ANKRD33B: variants seen among roughly 807,000 people sequenced by gnomAD.
The protein encoded by ANKRD33B is ankyrin repeat domain 33B.
ANKRD33B carries 6 observed loss-of-function variants against 21.5 expected under a neutral mutation model. That is an observed-to-expected ratio of 0.28 (90% CI 0.15 to 0.55). ANKRD33B has a LOEUF of 0.55. Among genes scored for constraint, ANKRD33B ranks in the 20% least tolerant of loss-of-function variants. The probability of loss-of-function intolerance (pLI) is 0.94; values close to 1 mark genes in which losing one functional copy is unlikely to be tolerated. For missense variants in ANKRD33B, 698 were observed against 747.2 expected (o/e 0.93, Z 0.77); for synonymous variants, 347 against 342.4 (o/e 1.01, Z -0.15).
chr5:10,578,895 C>T (rs1336943311), intron 1 of ANKRD33B, among the ~76,000 whole-genome samples: 1 of 152,082 alleles, frequency 6.6e-6, no homozygotes, highest in Non-Finnish European at 1.5e-5. Context: ...GGCGCAGTGG[C>T]TCATGCCTAT....
intron 1 of ANKRD33B, among the ~76,000 whole-genome samples, chr5:10,599,077 A>T (rs1024079843): frequency 6.6e-6 from 1 of 152,184 alleles, no homozygotes; most frequent in Non-Finnish European, 1.5e-5. Flanking sequence ...TCCCTGTCTC[A>T]TCAGAGGCAA....
At chr5:10,614,685 G>C (rs1276232163) in intron 1 of ANKRD33B, among the ~76,000 whole-genome samples, 2 of 151,836 alleles carry the variant, frequency 1.3e-5, no homozygotes, top group Admixed American at 1.3e-4. Context: ...TCAGGAGTTT[G>C]AGACCAGCCT....
At chr5:10,568,190 T>C (rs1198241324) in intron 1 of ANKRD33B, among the ~76,000 whole-genome samples, 1 of 152,238 alleles carries the variant, frequency 6.6e-6, no homozygotes, top group Non-Finnish European at 1.5e-5. Context: ...CATTGCATGA[T>C]TTAATATGCA....
At chr5:10,590,780 C>T (rs1056434943) in intron 1 of ANKRD33B, among the ~76,000 whole-genome samples, 1 of 152,092 alleles carries the variant, frequency 6.6e-6, no homozygotes. Context: ...CCCTTCACTA[C>T]TGCTCTCTGC....
At chr5:10,622,163 G>A (rs931462385) in intron 2 of ANKRD33B, among the ~76,000 whole-genome samples, 1 of 152,228 alleles carries the variant, frequency 6.6e-6, no homozygotes, top group African/African-American at 2.4e-5. Context: ...TGGACAATCA[G>A]TTTTACAGCT....
intron 1 of ANKRD33B, among the ~76,000 whole-genome samples, chr5:10,599,270 T>C (rs79174012): frequency 6.6e-6 from 1 of 152,198 alleles, no homozygotes; most frequent in Non-Finnish European, 1.5e-5. Context: ...TTAACAACTT[T>C]ATTGACAATT....
rs764674828 is a variant in ANKRD33B at position 10,576,612 on chromosome 5, G to T, written c.366+11779G>T. Among the ~76,000 whole-genome samples, 1 of 152,156 alleles carries T rather than the reference G, an allele frequency of 6.6e-6. No individual in the cohort carries two copies. Among genetic ancestry groups the T allele is most frequent in the Non-Finnish European group, 1.5e-5 (1 of 68,030 alleles). ...CCTAGAGGTTCTAGGCAGAACTAAC[G>T]AGTAAGTTACAGAGAATGTGCTTGT... On this transcript the variant is annotated intron_variant, in intron 1 of 3. Transcript: ENST00000296657. The surrounding 1 kb of genome is among the most constrained non-coding windows in gnomAD (Gnocchi z 4.1).
At chr5:10,579,404 T>C (rs1464600702) in intron 1 of ANKRD33B, among the ~76,000 whole-genome samples, 2 of 151,972 alleles carry the variant, frequency 1.3e-5, no homozygotes, top group Non-Finnish European at 2.9e-5. Context: ...TTTCCTGAAC[T>C]TTATTAAAAC....
intron 1 of ANKRD33B, among the ~76,000 whole-genome samples, chr5:10,605,487 T>A (rs1463040839): frequency 6.6e-6 from 1 of 152,110 alleles, no homozygotes; most frequent in Non-Finnish European, 1.5e-5. Context: ...ATTCATCCCC[T>A]GCATGACCTC....
chr5:10,648,052 A>G (rs1268705262), intron 3 of ANKRD33B, among the ~76,000 whole-genome samples: 1 of 152,174 alleles, frequency 6.6e-6, no homozygotes, highest in Non-Finnish European at 1.5e-5. Context: ...AGGTTAGGAC[A>G]CCCAAGTCTT....
At chr5:10,603,567 C>T (rs1163515060) in intron 1 of ANKRD33B, among the ~76,000 whole-genome samples, 1 of 151,912 alleles carries the variant, frequency 6.6e-6, no homozygotes, top group African/African-American at 2.4e-5. Context: ...CCAGCCCCAT[C>T]CTTAAACATT....
At chr5:10,644,556 C>T (rs55727734) in intron 3 of ANKRD33B, among the ~76,000 whole-genome samples, 144 of 152,028 alleles carry the variant, frequency 9.5e-4, no homozygotes, top group African/African-American at 3.2e-3. Flanking sequence ...GATTCCAAGG[C>T]GCAAAGTGGA....
intron 3 of ANKRD33B, among the ~76,000 whole-genome samples, chr5:10,641,426 A>G (rs1010388147): frequency 6.6e-6 from 1 of 151,538 alleles, no homozygotes; most frequent in African/African-American, 2.4e-5. Context: ...ACGGTGTTTC[A>G]CCATGTTGGC....
chr5:10,594,986 A>G (rs747392906), intron 1 of ANKRD33B, among the ~76,000 whole-genome samples: 5 of 152,356 alleles, frequency 3.3e-5, no homozygotes, highest in Admixed American at 6.5e-5. Flanking sequence ...GGGACCCAGC[A>G]GGGCCAGTCC....
chr5:10,566,678 A>G (rs1253232518), intron 1 of ANKRD33B, among the ~76,000 whole-genome samples: 3 of 152,240 alleles, frequency 2.0e-5, no homozygotes, highest in African/African-American at 7.2e-5. Flanking sequence ...AACGTAAACC[A>G]TCCCCAGGGG....
At chr5:10,627,284 G>C (rs1221858814) in intron 2 of ANKRD33B, 1 of 152,218 alleles carries the variant, frequency 6.6e-6, no homozygotes, top group Non-Finnish European at 1.5e-5. Context: ...GTTTATTTCT[G>C]TTTCCTTGTT....
chr5:10,645,301 G>A (rs1737167510), intron 3 of ANKRD33B, among the ~76,000 whole-genome samples: 1 of 152,194 alleles, frequency 6.6e-6, no homozygotes, highest in Non-Finnish European at 1.5e-5. Context: ...TTTGTAGAGT[G>A]GATAACATGG....
At chr5:10,583,904 A>G (rs571095193) in intron 1 of ANKRD33B, among the ~76,000 whole-genome samples, 48 of 152,282 alleles carry the variant, frequency 3.2e-4, no homozygotes, top group African/African-American at 1.1e-3. Flanking sequence ...TTGGAGTTGT[A>G]ATAAGACAAG....
intron 2 of ANKRD33B, among the ~76,000 whole-genome samples, chr5:10,632,329 A>G (rs369159645): frequency 1.3e-5 from 2 of 152,032 alleles, no homozygotes; most frequent in Non-Finnish European, 2.9e-5. Context: ...CATTTTCCCC[A>G]TGGGGCCTGG....
Sources: allele counts gnomAD v4.1 joint callset (sites outside exome capture counted in the v4.1 genomes callset), GRCh38; gene constraint gnomAD v4.1.1; non-coding constraint Gnocchi (gnomAD v3.1); transcripts MANE v1.5; gene names NCBI Gene and HGNC (gene_info 2026-07-23, HGNC 2026-07-21).